ANKLE2: variants seen among roughly 807,000 people sequenced by gnomAD.
ANKLE2 encodes the protein ankyrin repeat and LEM domain-containing protein 2.
ANKLE2 carries 55 observed loss-of-function variants against 84.2 expected under a neutral mutation model. The observed-to-expected ratio is 0.65, with a 90% CI of 0.53 to 0.82. The LOEUF (loss-of-function observed/expected upper bound fraction) is 0.82. ANKLE2 is among the 40% of genes least tolerant of loss of function. The probability of loss-of-function intolerance (pLI) is 0.00; values close to 1 mark genes in which losing one functional copy is unlikely to be tolerated. For synonymous variants in ANKLE2, 551 were observed against 486.1 expected (o/e 1.13, Z -1.76); for missense variants, 1,238 against 1,201.9 (o/e 1.03, Z -0.44).
intron 1 of ANKLE2, chr12:132,758,114 G>A (rs889001435): frequency 6.6e-6 from 1 of 152,084 alleles, no homozygotes; most frequent in African/African-American, 2.4e-5. Context: ...TCTTGCATTA[G>A]AATAAAGCCA....
rs992536341 is a variant in ANKLE2 at position 132,742,976 on chromosome 12, G to A, written c.1353+178C>T. Among the ~76,000 whole-genome samples, 6 of 152,102 alleles carry A rather than the reference G, an allele frequency of 3.9e-5. No individual in the cohort carries two copies. In the East Asian group the frequency reaches 1.2e-3, roughly 29 times the overall value. On this transcript the variant is annotated intron_variant, in intron 6 of 12. Transcript: ENST00000357997. Reference sequence around the variant, plus strand: ...TTCCTTCCCTCCTGGTTCTACAGATGCATCTTCTTCACAAAGTGCATCTTA... The same window carrying A: ...TTCCTTCCCTCCTGGTTCTACAGATACATCTTCTTCACAAAGTGCATCTTA...
At chr12:132,734,159 C>T (rs1049201123) in intron 10 of ANKLE2, 57 of 577,376 alleles carry the variant, frequency 9.9e-5, no homozygotes, top group South Asian at 4.6e-4. Context: ...GCAGAAGAAT[C>T]GCTTGAACCC....
chr12:132,736,752 G>T, intron 8 of ANKLE2, 141 bp downstream of exon 8: 1 of 954,952 alleles, frequency 1.0e-6, no homozygotes, highest in Non-Finnish European at 1.5e-6. Context: ...ATCACTGGTG[G>T]ATGGTTTGAG....
chr12:132,748,100 G>C, intron 4 of ANKLE2, 38 bp downstream of exon 4: 1 of 1,608,872 alleles, frequency 6.2e-7, no homozygotes, highest in Non-Finnish European at 8.5e-7. Context: ...GGAACGGCCG[G>C]GACCGCACAC....
intron 3 of ANKLE2, among the ~76,000 whole-genome samples, chr12:132,749,386 C>T (rs889582265): frequency 1.3e-5 from 2 of 152,154 alleles, no homozygotes; most frequent in Non-Finnish European, 2.9e-5. Flanking sequence ...AAACTCCTGA[C>T]CTGAGATGAT....
At position 132,750,986 on chromosome 12, in the gene ANKLE2, AG is replaced by A. The variant is rs1326021158; in HGVS notation, c.641-138del. ...GCTTAGTTCAGATCTTTAATCCTGAAGAAAAAGGGCCTAAGCTAGCCAAAAT... is the reference window on the plus strand; with the variant it reads ...GCTTAGTTCAGATCTTTAATCCTGAAAAAAAGGGCCTAAGCTAGCCAAAAT... On this transcript the variant is annotated intron_variant, in intron 2 of 12. Coordinates refer to ENST00000357997, the MANE Select transcript of ANKLE2 (RefSeq NM_015114.3). 6 of 740,078 alleles carry A rather than the reference AG, an allele frequency of 8.1e-6. No homozygotes were observed. The East Asian group carries it at 1.6e-4, about 20-fold the overall frequency. 45.8% of individuals were successfully genotyped at this position (740,078 alleles called of 1,614,324 possible).
At chr12:132,741,643 G>A (rs1223150093) in intron 6 of ANKLE2, 158 bp from the exon 7 acceptor site, 8 of 741,488 alleles carry the variant, frequency 1.1e-5, no homozygotes, top group Middle Eastern at 2.3e-4. Flanking sequence ...TGTGAAGAGT[G>A]TGGTCTTTCT....
chr12:132,750,421 C>T (rs1244086201), intron 3 of ANKLE2, among the ~76,000 whole-genome samples: 1 of 151,904 alleles, frequency 6.6e-6, no homozygotes, highest in African/African-American at 2.4e-5. Flanking sequence ...CCAACAGACA[C>T]GGGGACAGAT....
chr12:132,727,909 C>T, intron 12 of ANKLE2, 123 bp downstream of exon 12: 3 of 1,359,878 alleles, frequency 2.2e-6, no homozygotes, highest in Non-Finnish European at 2.0e-6. Flanking sequence ...AATCCACAGC[C>T]TGGCTGACGG....
At chr12:132,734,692 A>G (rs2043971184) in intron 9 of ANKLE2, 117 bp from the exon 10 acceptor site, 1 of 1,080,936 alleles carries the variant, frequency 9.3e-7, no homozygotes, top group Non-Finnish European at 1.3e-6. Flanking sequence ...TCATGGTTAT[A>G]ATTTTCCTTT....
At chr12:132,746,237 T>C (rs920034334) in intron 5 of ANKLE2, among the ~76,000 whole-genome samples, 7 of 151,622 alleles carry the variant, frequency 4.6e-5, no homozygotes, top group African/African-American at 1.7e-4. Context: ...TAGTCCCAGC[T>C]ACTCGGGAGG....
intron 5 of ANKLE2, among the ~76,000 whole-genome samples, chr12:132,746,157 GC>G (rs1342234167): frequency 6.6e-6 from 1 of 152,104 alleles, no homozygotes; most frequent in African/African-American, 2.4e-5. Context: ...GACCATCCTG[GC>G]TAACACGGTG....
intron 1 of ANKLE2, 73 bp from the exon 2 acceptor site, chr12:132,755,206 G>A (rs1401236799): frequency 5.2e-6 from 7 of 1,337,644 alleles, no homozygotes; most frequent in East Asian, 2.3e-5. Context: ...TGGGTACTAG[G>A]GTTCATTATA....
At chr12:132,747,379 TGTC>T (rs1458210782) in intron 5 of ANKLE2, among the ~76,000 whole-genome samples, 9 of 149,764 alleles carry the variant, frequency 6.0e-5, no homozygotes, top group South Asian at 4.2e-4. Context: ...CAGCCCTGCG[TGTC>T]AGGCAGCCTC....
Position 132,735,372 on chromosome 12 carries a change from T to C in ANKLE2, c.1700+34A>G, listed in dbSNP as rs776619074. The stretch of plus-strand genomic sequence containing the variant: ...ATTAATCAAAATGCAACCAACTGTG[T>C]GCCCCACGCTGCTGCGGCTCAGCCT... On this transcript the variant is annotated intron_variant, in intron 9 of 12. Transcript: ENST00000357997. The C allele has an allele frequency of 7.0e-6, 11 of 1,570,258 alleles. No individual in the cohort carries two copies. The East Asian group carries it at 1.6e-4, about 22-fold the overall frequency.
In ANKLE2 at chr12:132,750,710, T is replaced by C; in HGVS notation, c.780A>G (p.Pro260=). The part of the protein sequence containing the change: ...ARGICDYFPS[P]SKTSLPLSPV... The stretch of plus-strand genomic sequence containing the variant: ...GAGACAGTGGTAAGGACGTTTTGCT[T>C]GGAGAAGGGAAATAATCACAAATTC... Residue 260 remains proline, a synonymous_variant, in exon 3 of 13, where the codon CCA becomes CCG. Coordinates refer to ENST00000357997, the MANE Select transcript of ANKLE2 (RefSeq NM_015114.3). 3 of 1,614,242 alleles carry C rather than the reference T, an allele frequency of 1.9e-6. No individual in the cohort carries two copies. Among genetic ancestry groups the C allele is most frequent in the Non-Finnish European group, 2.5e-6 (3 of 1,180,050 alleles).
chr12:132,730,623 G>C, intron 10 of ANKLE2: 1 of 285,474 alleles, frequency 3.5e-6, no homozygotes, highest in Non-Finnish European at 6.7e-6. Context: ...AGGAGTTCAA[G>C]ACTGCCTGGG....
rs1054271740 is a variant in ANKLE2 at position 132,734,572 on chromosome 12, C to G, written c.1704G>C (p.Glu568Asp). ...AGGGATACCCCAGCTCATGAGCTAG[C>G]TCCCTGTAAGAAACAAAACACAATT... Reference protein sequence around the residue: ...PERGFERVGRELAHELGYPWV... With the variant: ...PERGFERVGRDLAHELGYPWV... Residue 568 changes from glutamate to aspartate, a missense_variant, in exon 10 of 13, where the codon GAG becomes GAC. Physicochemically the swap from Glu to Asp is conservative, Grantham distance 45 (BLOSUM62 2). Transcript: ENST00000357997. The G allele has an allele frequency of 6.2e-7, 1 of 1,605,754 alleles. No individual in the cohort carries two copies. The highest frequency in any genetic ancestry group is 1.3e-5 in the African/African-American group (1 of 74,332).
chr12:132,744,673 T>C (rs914509434), intron 5 of ANKLE2, among the ~76,000 whole-genome samples: 4 of 152,130 alleles, frequency 2.6e-5, no homozygotes, highest in Non-Finnish European at 5.9e-5. Flanking sequence ...AAGGACCAGA[T>C]AGTAAGCACT....
Sources: gnomAD v4.1 joint callset for allele counts (sites outside exome capture counted in the v4.1 genomes callset) on GRCh38, gnomAD v4.1.1 for gene constraint, MANE v1.5 for transcripts, NCBI Gene and HGNC (gene_info 2026-07-23, HGNC 2026-07-21) for gene names.